The following PAM variants were observed in gnomAD, a reference collection of about 807,000 sequenced individuals.
PAM encodes the protein peptidyl-glycine alpha-amidating monooxygenase.
PAM carries 72 observed loss-of-function variants against 122.1 expected under a neutral mutation model. The observed-to-expected ratio is 0.59, with a 90% confidence interval of 0.49 to 0.72. PAM has a LOEUF of 0.72. Ranked by LOEUF, PAM falls within the 30% of genes least tolerant of loss-of-function variation. The probability of loss-of-function intolerance (pLI) is 0.00; values close to 1 mark genes in which losing one functional copy is unlikely to be tolerated. For synonymous variants in PAM, 389 were observed against 404.4 expected, an observed-to-expected ratio of 0.96 and a Z score of 0.46; for missense variants, 1,106 against 1,183.7, an observed-to-expected ratio of 0.93 and a Z score of 0.96.
At chr5:102,827,517 T>C (rs1386467369) in intron 1 of PAM, among the ~76,000 whole-genome samples, 1 of 152,206 alleles carries the variant, frequency 6.6e-6, no homozygotes, top group Non-Finnish European at 1.5e-5. Context: ...CAAATGATTA[T>C]TGAATATTGT....
intron 23 of PAM, among the ~76,000 whole-genome samples, chr5:103,022,098 C>G (rs1783715601): frequency 6.6e-6 from 1 of 150,762 alleles, no homozygotes; most frequent in Non-Finnish European, 1.5e-5. Flanking sequence ...GCTCTCACCC[C>G]CAAGCCCACC....
At chr5:102,828,715 A>G (rs1580648528) in intron 1 of PAM, among the ~76,000 whole-genome samples, 1 of 152,178 alleles carries the variant, frequency 6.6e-6, no homozygotes, top group East Asian at 1.9e-4. Flanking sequence ...TAGAAATGTA[A>G]ATGTCAGTGT....
At chr5:102,842,465 C>A (rs1434198759) in intron 1 of PAM, among the ~76,000 whole-genome samples, 2 of 152,154 alleles carry the variant, frequency 1.3e-5, no homozygotes, top group African/African-American at 4.8e-5. Context: ...CTTTGCCTGT[C>A]ACCATCTATG....
intron 1 of PAM, among the ~76,000 whole-genome samples, chr5:102,791,704 G>C (rs1041251214): frequency 1.3e-5 from 2 of 151,966 alleles, no homozygotes; most frequent in African/African-American, 4.8e-5. Flanking sequence ...ACTTTATTTG[G>C]GGTTTGTTTC....
chr5:102,810,970 C>T (rs1767744893), intron 1 of PAM, among the ~76,000 whole-genome samples: 1 of 152,154 alleles, frequency 6.6e-6, no homozygotes, highest in Non-Finnish European at 1.5e-5. Flanking sequence ...AAGTGCTTTA[C>T]TCAGTTTTCT....
intron 5 of PAM, among the ~76,000 whole-genome samples, chr5:102,918,671 G>A (rs1437717968): frequency 6.6e-6 from 1 of 151,814 alleles, no homozygotes; most frequent in East Asian, 1.9e-4. Context: ...AGAGTTTCAG[G>A]CTTTGAAAAT....
intron 1 of PAM, among the ~76,000 whole-genome samples, chr5:102,783,779 G>A (rs143424882): frequency 1.6e-3 from 238 of 152,244 alleles, no homozygotes; most frequent in African/African-American, 5.4e-3. Context: ...AGAACCCAGC[G>A]CCTGCCGTCA....
intron 1 of PAM, among the ~76,000 whole-genome samples, chr5:102,766,926 A>ATTTTGTTTTTTTTTTTTTT (rs1754143913): frequency 3.9e-5 from 1 of 25,830 alleles, no homozygotes; most frequent in Non-Finnish European, 7.7e-5. Context: ...TCAGTTGTGG[A>ATTTTGTTTTTTTTTTTTTT]TTTTTTTTTT....
intron 1 of PAM, among the ~76,000 whole-genome samples, chr5:102,824,334 C>A (rs897592597): frequency 1.3e-5 from 2 of 152,100 alleles, no homozygotes; most frequent in Non-Finnish European, 2.9e-5. Flanking sequence ...TTTCAATAAA[C>A]CTATGAAGAA....
intron 1 of PAM, among the ~76,000 whole-genome samples, chr5:102,823,403 T>TA (rs992969156): frequency 2.9e-4 from 43 of 150,156 alleles, no homozygotes; most frequent in South Asian, 1.7e-3. Flanking sequence ...ACCCCTACTT[T>TA]AAAAAAAAAA....
In PAM at chr5:102,960,600, G is replaced by C. The variant is rs1244111274; in HGVS notation, c.1090+541G>C. Among the ~76,000 whole-genome samples, 9 of 151,934 alleles carry C rather than the reference G, an allele frequency of 5.9e-5. No homozygotes were observed. In the East Asian group the frequency reaches 1.7e-3, roughly 29 times the overall value. On this transcript the variant is annotated intron_variant, in intron 13 of 25. Transcript: ENST00000438793. Reference sequence around the variant, plus strand: ...CATATATATAGTTCCTCTGCAAAATGGTCATATTGACTGTCACTTTTTAAC... The same window carrying C: ...CATATATATAGTTCCTCTGCAAAATCGTCATATTGACTGTCACTTTTTAAC...
chr5:103,007,222 C>T (rs561296033), intron 19 of PAM, among the ~76,000 whole-genome samples: 2 of 151,360 alleles, frequency 1.3e-5, no homozygotes, highest in Non-Finnish European at 3.0e-5. Flanking sequence ...CACACACACA[C>T]GTCTTGTAAG....
At chr5:102,903,310 C>T (rs1798546655) in intron 4 of PAM, among the ~76,000 whole-genome samples, 1 of 151,424 alleles carries the variant, frequency 6.6e-6, no homozygotes, top group South Asian at 2.1e-4. Flanking sequence ...TTTGTGGTTA[C>T]TGTTGTTTAC....
intron 14 of PAM, among the ~76,000 whole-genome samples, chr5:102,965,541 A>G (rs1409753479): frequency 6.6e-6 from 1 of 151,946 alleles, no homozygotes; most frequent in East Asian, 1.9e-4. Flanking sequence ...ATCTATAATA[A>G]CAGTATGTCC....
At chr5:102,972,069 C>CTA (rs1357330190) in intron 14 of PAM, among the ~76,000 whole-genome samples, 3 of 152,152 alleles carry the variant, frequency 2.0e-5, no homozygotes, top group Non-Finnish European at 4.4e-5. Flanking sequence ...CTGGAGTGCT[C>CTA]TACCTTTGGT....
At chr5:102,974,521 G>A (rs1766971944) in intron 15 of PAM, 85 bp downstream of exon 15, 8 of 842,208 alleles carry the variant, frequency 9.5e-6, no homozygotes, top group Non-Finnish European at 1.5e-5. Flanking sequence ...AGAATTAATG[G>A]GTGAAAAAAT....
intron 1 of PAM, among the ~76,000 whole-genome samples, chr5:102,837,336 A>G (rs1473478441): frequency 6.6e-6 from 1 of 152,140 alleles, no homozygotes; most frequent in African/African-American, 2.4e-5. Flanking sequence ...CCAAAATGCC[A>G]CAGCCCACCT....
intron 1 of PAM, among the ~76,000 whole-genome samples, chr5:102,829,463 C>T (rs1177754771): frequency 2.6e-5 from 4 of 151,530 alleles, no homozygotes; most frequent in South Asian, 2.1e-4. Flanking sequence ...GCTCCGCCTC[C>T]CCGGCTCACA....
chr5:102,980,949 A>G (rs1289778049), intron 15 of PAM, among the ~76,000 whole-genome samples: 1 of 152,188 alleles, frequency 6.6e-6, no homozygotes, highest in East Asian at 1.9e-4. Flanking sequence ...TTTTTTACAC[A>G]TCATCTTTAC....
Sources: gnomAD v4.1 joint callset for allele counts (sites outside exome capture counted in the v4.1 genomes callset) on GRCh38, gnomAD v4.1.1 for gene constraint, MANE v1.5 for transcripts, NCBI Gene and HGNC (gene_info 2026-07-23, HGNC 2026-07-21) for gene names.